The following CLIC4 variants were observed in gnomAD, a reference collection of about 807,000 sequenced individuals.
CLIC4 encodes the protein CLIC family member 4, also known as chloride intracellular channel protein 4.
A neutral mutation model predicts 24.6 loss-of-function variants in CLIC4; 13 were observed. The ratio of observed to expected loss-of-function variants is 0.53; its 90% CI spans 0.34 to 0.84. CLIC4 has a LOEUF of 0.84. Ranked by LOEUF, CLIC4 falls within the 40% of genes least tolerant of loss-of-function variation. CLIC4 has a pLI of 0.01. For synonymous variants in CLIC4, 104 were observed against 111.3 expected, an observed-to-expected ratio of 0.93 and a Z score of 0.41; for missense variants, 227 against 301.7, an observed-to-expected ratio of 0.75 and a Z score of 1.83.
chr1:24,774,325 C>T (rs1359429163), intron 1 of CLIC4, among the ~76,000 whole-genome samples: 1 of 151,442 alleles, frequency 6.6e-6, no homozygotes, highest in East Asian at 2.0e-4. Context: ...ATAATAAAAA[C>T]AAATTAGTGT....
intron 2 of CLIC4, among the ~76,000 whole-genome samples, chr1:24,807,477 T>C (rs945279420): frequency 6.6e-5 from 10 of 152,216 alleles, no homozygotes; most frequent in African/African-American, 2.4e-4. Flanking sequence ...CTGACTCACG[T>C]GGCCCCTGCT....
chr1:24,826,869 T>C, intron 3 of CLIC4, 141 bp from the exon 4 acceptor site: 1 of 542,466 alleles, frequency 1.8e-6, no homozygotes, highest in Non-Finnish European at 3.3e-6. Context: ...TTTTTAAAAA[T>C]ACCATAGAAA....
intron 2 of CLIC4, among the ~76,000 whole-genome samples, chr1:24,799,338 C>T (rs1277064933): frequency 6.6e-6 from 1 of 151,498 alleles, no homozygotes; most frequent in African/African-American, 2.4e-5. Flanking sequence ...TGCCCGGCCG[C>T]AACCCCGTCT....
chr1:24,807,491 G>T (rs888123623), intron 2 of CLIC4, among the ~76,000 whole-genome samples: 1 of 152,162 alleles, frequency 6.6e-6, no homozygotes, highest in Non-Finnish European at 1.5e-5. Context: ...CCCTGCTGCT[G>T]TGTCTTTCCC....
At chr1:24,839,827 A>C (rs1409993455) in intron 4 of CLIC4, 33 bp from the exon 5 acceptor site, 1 of 1,583,596 alleles carries the variant, frequency 6.3e-7, no homozygotes, top group Admixed American at 1.8e-5. Flanking sequence ...TTTCCTTCTT[A>C]CAGTATTCTC....
At chr1:24,828,421 T>C (rs1268939066) in intron 4 of CLIC4, among the ~76,000 whole-genome samples, 1 of 152,022 alleles carries the variant, frequency 6.6e-6, no homozygotes, top group African/African-American at 2.4e-5. Flanking sequence ...ATTAAGCAAG[T>C]GGTTATGTTG....
At position 24,769,711 on chromosome 1, in the gene CLIC4, T is replaced by C. The variant is rs183520824; in HGVS notation, c.72+24086T>C. 8.5e-5 allele frequency among the ~76,000 whole-genome samples: 13 copies of C among 152,352 alleles called. No homozygotes were observed. In the East Asian group the frequency reaches 2.3e-3, roughly 27 times the overall value. On this transcript the variant is annotated intron_variant, in intron 1 of 5. Coordinates refer to ENST00000374379, the MANE Select transcript of CLIC4 (RefSeq NM_013943.3). ...GCCTAGATGGTTCATTAGATGACTT[T>C]GGTTGCTTTCAGTTCTCTTGGTAAA...
chr1:24,779,177 T>A (rs1176751260), intron 1 of CLIC4, among the ~76,000 whole-genome samples: 1 of 152,110 alleles, frequency 6.6e-6, no homozygotes, highest in Non-Finnish European at 1.5e-5. Flanking sequence ...GTATATAAAA[T>A]TAATACCCCA....
chr1:24,811,620 A>G (rs542592433), intron 2 of CLIC4, among the ~76,000 whole-genome samples: 31 of 152,176 alleles, frequency 2.0e-4, no homozygotes, highest in African/African-American at 6.5e-4. Context: ...CTACAGGCAC[A>G]TGCCACCACA....
chr1:24,815,099 C>G (rs1441825643), intron 3 of CLIC4, among the ~76,000 whole-genome samples: 1 of 152,138 alleles, frequency 6.6e-6, no homozygotes, highest in Non-Finnish European at 1.5e-5. Flanking sequence ...TTTTTCGTTT[C>G]CCAGTGCATG....
chr1:24,794,336 A>G (rs1032594797), intron 1 of CLIC4, among the ~76,000 whole-genome samples: 3 of 146,042 alleles, frequency 2.1e-5, no homozygotes, highest in Non-Finnish European at 3.0e-5. Flanking sequence ...TTTCTCTACA[A>G]CTTTGCCAGC....
chr1:24,840,772 G>A lies in CLIC4; in HGVS notation c.598-1G>A, dbSNP rs1485501240. On this transcript the variant is annotated splice_acceptor_variant, in intron 5 of 5. Transcript: ENST00000374379. LOFTEE classifies it high-confidence loss of function. ...TAACTTTTGATCTCTTTGTATTTCA[G>A]GTGGTGGCCAAAAAATATCGCAACT... 1.9e-6 allele frequency: 3 copies of A among 1,603,464 alleles called. No homozygotes were observed. In the Admixed American group the frequency reaches 5.1e-5, roughly 27 times the overall value.
At chr1:24,823,007 G>C (rs779083725) in intron 3 of CLIC4, among the ~76,000 whole-genome samples, 2 of 152,126 alleles carry the variant, frequency 1.3e-5, no homozygotes, top group Non-Finnish European at 2.9e-5. Flanking sequence ...TTGTAAGACT[G>C]TTTCTAAATA....
At chr1:24,793,707 A>AT (rs1019164641) in intron 1 of CLIC4, among the ~76,000 whole-genome samples, 3,378 of 146,768 alleles carry the variant, frequency 0.023, 103 homozygotes, top group African/African-American at 0.073. Flanking sequence ...GAATGATCGG[A>AT]TTTTTTTTTT....
intron 3 of CLIC4, among the ~76,000 whole-genome samples, chr1:24,819,286 A>G (rs911413137): frequency 6.6e-6 from 1 of 152,096 alleles, no homozygotes; most frequent in African/African-American, 2.4e-5. Flanking sequence ...CCAGACCAAC[A>G]TTAAGAAAAC....
intron 1 of CLIC4, among the ~76,000 whole-genome samples, chr1:24,765,076 G>A (rs1178471820): frequency 1.3e-5 from 2 of 152,142 alleles, no homozygotes; most frequent in Admixed American, 1.3e-4. Flanking sequence ...CTCACTGCCT[G>A]GGAGGCCTTT....
At chr1:24,816,376 A>T (rs1639669244) in intron 3 of CLIC4, among the ~76,000 whole-genome samples, 1 of 150,710 alleles carries the variant, frequency 6.6e-6, no homozygotes, top group Non-Finnish European at 1.5e-5. Context: ...AGTAGCTGGG[A>T]TTACAGGTGC....
intron 1 of CLIC4, among the ~76,000 whole-genome samples, chr1:24,783,413 A>G (rs979544958): frequency 2.0e-5 from 3 of 152,134 alleles, no homozygotes; most frequent in African/African-American, 4.8e-5. Context: ...CAGTAATAAA[A>G]ATTTGTGGCC....
intron 1 of CLIC4, among the ~76,000 whole-genome samples, chr1:24,776,042 G>A (rs1386277584): frequency 6.6e-6 from 1 of 152,116 alleles, no homozygotes; most frequent in Non-Finnish European, 1.5e-5. Flanking sequence ...CCCATAGTAG[G>A]TGGCAGTGTA....
Sources: allele counts gnomAD v4.1 joint callset (sites outside exome capture counted in the v4.1 genomes callset), GRCh38; gene constraint gnomAD v4.1.1; transcripts MANE v1.5; gene names NCBI Gene and HGNC (gene_info 2026-07-23, HGNC 2026-07-21).